Variants in MYRF observed in about 807,000 individuals in gnomAD.
MYRF encodes myelin gene regulatory factor.
A neutral mutation model predicts 126.3 loss-of-function variants in MYRF; 16 were observed. That is an observed-to-expected ratio of 0.13 (90% CI 0.09 to 0.19). MYRF has a LOEUF of 0.19. Ranked by LOEUF, MYRF falls within the 10% of genes least tolerant of loss-of-function variation. The pLI, the probability that MYRF is intolerant of heterozygous loss-of-function variation, is 1.00. For missense variants in MYRF, 1,104 were observed against 1,547.0 expected (o/e 0.71, Z 4.80); for synonymous variants, 608 against 635.3 (o/e 0.96, Z 0.65).
Position 61,787,220 on chromosome 11 carries a change from C to A in MYRF, c.*1077C>A, listed in dbSNP as rs979895877. The A allele has an allele frequency of 1.3e-5, 2 of 152,496 alleles. No homozygotes were observed. The highest frequency in any genetic ancestry group is 4.8e-5 in the African/African-American group (2 of 41,424). 9.4% of individuals were successfully genotyped at this position (152,496 alleles called of 1,614,324 possible). ...AGAGTGGGCCAGAGCAGGGGTGTGACACTTGCAAAGACAGGGCTCTGACTC... is the reference window on the plus strand; with the variant it reads ...AGAGTGGGCCAGAGCAGGGGTGTGAAACTTGCAAAGACAGGGCTCTGACTC... On this transcript the variant is annotated 3_prime_UTR_variant, in exon 27 of 27. Transcript: ENST00000278836.
chr11:61,780,166 A>G lies in MYRF; in HGVS notation c.2337-56A>G, dbSNP rs1453520433. The stretch of plus-strand genomic sequence containing the variant: ...CAAGGACCACAGCCTTGTCCTAGAG[A>G]GAGGGCACTGGATGGTGGCTCCAGC... On this transcript the variant is annotated intron_variant, in intron 17 of 26. Transcript: ENST00000278836. The G allele has an allele frequency of 1.9e-6, 3 of 1,584,776 alleles. No homozygotes were observed. In the Admixed American group the frequency reaches 5.1e-5, roughly 27 times the overall value.
chr11:61,773,150 C>T (rs559246025), intron 7 of MYRF, among the ~76,000 whole-genome samples: 69 of 152,092 alleles, frequency 4.5e-4, no homozygotes, highest in Admixed American at 1.8e-3. Flanking sequence ...GGACTACAGG[C>T]GGCTGATTTT....
At chr11:61,769,808 C>A (rs961208470) in intron 4 of MYRF, among the ~76,000 whole-genome samples, 12 of 152,134 alleles carry the variant, frequency 7.9e-5, no homozygotes, top group African/African-American at 2.9e-4. Context: ...GAGCTGGGGC[C>A]TCCCCGCTCA....
intron 3 of MYRF, 165 bp downstream of exon 3, chr11:61,766,386 G>A: frequency 1.4e-6 from 1 of 697,350 alleles, no homozygotes; most frequent in Non-Finnish European, 2.3e-6. Context: ...TCCAGGTCAA[G>A]GGGGGACTCC....
chr11:61,780,247 G>A lies in MYRF; in HGVS notation c.2362G>A (p.Val788Met), dbSNP rs1373516340. ...FSVVSMSTLY[V>M]LSLRTEEDLV... ...CGTGGTGTCCATGTCCACACTGTAC[G>A]TGCTGAGCCTGCGCACAGAGGAGGA... Residue 788 changes from valine (V) to methionine (M), a missense_variant, in exon 18 of 27, where the codon GTG becomes ATG. Physicochemically the swap from Val to Met is conservative, Grantham distance 21 (BLOSUM62 1). Coordinates refer to ENST00000278836, the MANE Select transcript of MYRF (RefSeq NM_001127392.3). The A allele has an allele frequency of 6.8e-6, 11 of 1,613,994 alleles. No individual in the cohort carries two copies. Among genetic ancestry groups the A allele is most frequent in the South Asian group, 3.3e-5 (3 of 91,070 alleles).
Position 61,778,426 on chromosome 11 carries a change from A to G in MYRF, c.1950A>G (p.Lys650=). ...AGGAGATCTTGCCTGAGGCTGTGAA[A>G]GACACCGGAGACATGGTCTTTGCCA... ...EVKEILPEAV[K]DTGDMVFANG... The change falls in exon 14 of 27, where the codon AAA becomes AAG. Residue 650 remains lysine (K), a synonymous_variant. Coordinates refer to ENST00000278836, the MANE Select transcript of MYRF (RefSeq NM_001127392.3). This position sits in a 1 kb window ranked among gnomAD's most constrained non-coding sequence, Gnocchi z 4.6. 1 of 1,614,114 alleles carries G rather than the reference A, an allele frequency of 6.2e-7. No homozygotes were observed. The highest frequency in any genetic ancestry group is 8.5e-7 in the Non-Finnish European group (1 of 1,180,000).
intron 4 of MYRF, 106 bp downstream of exon 4, chr11:61,769,427 C>A (rs1565289090): frequency 1.2e-6 from 1 of 832,924 alleles, no homozygotes; most frequent in Non-Finnish European, 2.0e-6. Context: ...GGCTGCCCAA[C>A]GGGCTGAGAT....
chr11:61,755,298 C>A, intron 1 of MYRF: 1 of 1,430,674 alleles, frequency 7.0e-7, no homozygotes, highest in Non-Finnish European at 9.5e-7. Context: ...GAGGCCGGGA[C>A]AGAGCGGCCC....
intron 1 of MYRF, among the ~76,000 whole-genome samples, chr11:61,763,788 C>T (rs2065969362): frequency 6.6e-6 from 1 of 152,118 alleles, no homozygotes. Flanking sequence ...TCGCTGGAAC[C>T]TGGGAGGTGG....
Position 61,783,457 on chromosome 11 carries a change from C to A in MYRF, c.3017-41C>A. On this transcript the variant is annotated intron_variant, in intron 22 of 26. Transcript: ENST00000278836. This position sits in a 1 kb window ranked among gnomAD's most constrained non-coding sequence, Gnocchi z 4.6. Reference sequence around the variant, plus strand: ...GGCAAGGAAAGACTTGCCAGCTTCTCATTTGTGTCCTGCCTTGTCACCTTA... The same window carrying A: ...GGCAAGGAAAGACTTGCCAGCTTCTAATTTGTGTCCTGCCTTGTCACCTTA... 2 of 1,508,118 alleles carry A rather than the reference C, an allele frequency of 1.3e-6. No homozygotes were observed. Among genetic ancestry groups the A allele is most frequent in the South Asian group, 2.3e-5 (2 of 88,564 alleles). 93.4% of individuals were successfully genotyped at this position (1,508,118 alleles called of 1,614,324 possible). A position where few individuals can be genotyped will look rare whatever the true frequency, so the allele number is the denominator to read the frequency against.
intron 17 of MYRF, 134 bp from the exon 18 acceptor site, chr11:61,780,088 C>A: frequency 8.0e-7 from 1 of 1,245,510 alleles, no homozygotes; most frequent in Non-Finnish European, 1.1e-6. Flanking sequence ...CTGCCTCTTC[C>A]CCTCTGGGGT....
intron 7 of MYRF, among the ~76,000 whole-genome samples, chr11:61,772,218 C>T (rs967053798): frequency 4.6e-5 from 7 of 152,292 alleles, no homozygotes; most frequent in South Asian, 4.1e-4. Flanking sequence ...TTTTTTCCCC[C>T]GGTTCCTCCT....
chr11:61,770,919 C>T (rs538671833), intron 5 of MYRF, among the ~76,000 whole-genome samples: 1 of 152,266 alleles, frequency 6.6e-6, no homozygotes, highest in African/African-American at 2.4e-5. Context: ...CTTCCTAGAC[C>T]CAAGCCCCCG....
Position 61,776,968 on chromosome 11 carries a change from G to A in MYRF, c.1590+91G>A. 2 of 1,132,552 alleles carry A rather than the reference G, an allele frequency of 1.8e-6. No individual in the cohort carries two copies. Among genetic ancestry groups the A allele is most frequent in the Non-Finnish European group, 2.5e-6 (2 of 800,442 alleles). The allele number at this position is 1,132,552 out of a possible 1,614,324, so 70.2% of individuals were successfully genotyped here. On this transcript the variant is annotated intron_variant, in intron 11 of 26. Coordinates refer to ENST00000278836, the MANE Select transcript of MYRF (RefSeq NM_001127392.3). The surrounding 1 kb of genome is among the most constrained non-coding windows in gnomAD (Gnocchi z 4.3). ...AGTACCCGGGTACTGAGAGTCAGGAGTGGGCATGCTCATCCTGCTAGGCAC... is the reference window on the plus strand; with the variant it reads ...AGTACCCGGGTACTGAGAGTCAGGAATGGGCATGCTCATCCTGCTAGGCAC...
At chr11:61,760,617 C>T (rs1427584015) in intron 1 of MYRF, among the ~76,000 whole-genome samples, 1 of 152,098 alleles carries the variant, frequency 6.6e-6, no homozygotes, top group Non-Finnish European at 1.5e-5. Flanking sequence ...GAGGGGACAG[C>T]CTGGGCGGAG....
In MYRF at chr11:61,780,305, G is replaced by C. The variant is rs746782445; in HGVS notation, c.2405+15G>C. On this transcript the variant is annotated intron_variant, in intron 18 of 26. Transcript: ENST00000278836. The stretch of plus-strand genomic sequence containing the variant: ...GACACTGATGGGTAGGTTCCTGGAG[G>C]CCAAGCCAAGCTGCCAGGCCAGGTG... The C allele has an allele frequency of 6.2e-7, 1 of 1,606,682 alleles. No individual in the cohort carries two copies. Among genetic ancestry groups the C allele is most frequent in the Non-Finnish European group, 8.5e-7 (1 of 1,175,928 alleles).
rs909860532 is a variant in MYRF, at chr11:61,786,936, T to C, written c.*793T>C. 1 of 152,668 alleles carries C rather than the reference T, an allele frequency of 6.6e-6. No homozygotes were observed. The highest frequency in any genetic ancestry group is 1.5e-5 in the Non-Finnish European group (1 of 68,050). 9.5% of individuals were successfully genotyped at this position (152,668 alleles called of 1,614,324 possible). A position where few individuals can be genotyped will look rare whatever the true frequency, so the allele number is the denominator to read the frequency against. ...AAGCCCTAGAGCCTTGAACCAGGAATATCCAGGAAGAGGAAATTCCCTTTG... is the reference window on the plus strand; with the variant it reads ...AAGCCCTAGAGCCTTGAACCAGGAACATCCAGGAAGAGGAAATTCCCTTTG... On this transcript the variant is annotated 3_prime_UTR_variant, in exon 27 of 27. Transcript: ENST00000278836. The surrounding 1 kb of genome is among the most constrained non-coding windows in gnomAD (Gnocchi z 4.5).
chr11:61,784,083 T>A, intron 24 of MYRF, 158 bp downstream of exon 24: 1 of 1,035,620 alleles, frequency 9.7e-7, no homozygotes, highest in South Asian at 1.5e-5. Flanking sequence ...CGTGGTTAAC[T>A]GGCTAAATGA....
At chr11:61,761,475 G>C (rs916397554) in intron 1 of MYRF, among the ~76,000 whole-genome samples, 1 of 152,220 alleles carries the variant, frequency 6.6e-6, no homozygotes, top group African/African-American at 2.4e-5. Flanking sequence ...GCCTGCCTGG[G>C]AAGGGGCAGT....
Sources: gnomAD v4.1 joint callset for allele counts (sites outside exome capture counted in the v4.1 genomes callset) on GRCh38, gnomAD v4.1.1 for gene constraint, Gnocchi (gnomAD v3.1) non-coding constraint, MANE v1.5 for transcripts, NCBI Gene and HGNC (gene_info 2026-07-23, HGNC 2026-07-21) for gene names.